Variants in ERP44 observed in about 807,000 individuals in gnomAD.
ERP44 encodes the protein endoplasmic reticulum resident protein 44.
Under a neutral mutation model 53.4 loss-of-function variants are expected in ERP44, and 25 were observed. The observed-to-expected ratio is 0.47, with a 90% CI of 0.34 to 0.65. The LOEUF is 0.65. Ranked by LOEUF, ERP44 falls within the 30% of genes least tolerant of loss-of-function variation. The pLI, the probability that ERP44 is intolerant of heterozygous loss-of-function variation, is 0.01. For synonymous variants in ERP44, 145 were observed against 161.2 expected (o/e 0.90, Z 0.76); for missense variants, 338 against 493.2 (o/e 0.69, Z 2.98).
At chr9:100,060,008 A>C in intron 2 of ERP44, 92 bp downstream of exon 2, 1 of 1,060,886 alleles carries the variant, frequency 9.4e-7, no homozygotes, top group Non-Finnish European at 1.2e-6. Context: ...TGTGCTAGCT[A>C]ACTGAGATTT....
intron 10 of ERP44, among the ~76,000 whole-genome samples, chr9:99,997,353 G>A (rs757014826): frequency 6.6e-6 from 1 of 152,012 alleles, no homozygotes; most frequent in East Asian, 1.9e-4. Context: ...AGGTGGTATT[G>A]CATTGTAGTT....
At chr9:100,089,322 GT>G (rs1465968720) in intron 1 of ERP44, among the ~76,000 whole-genome samples, 65 of 152,182 alleles carry the variant, frequency 4.3e-4, no homozygotes, top group African/African-American at 1.4e-3. Context: ...GCTCATGCCT[GT>G]TAATCCCAGC....
chr9:100,022,026 A>T lies in ERP44; in HGVS notation c.471+16T>A. On this transcript the variant is annotated intron_variant, in intron 5 of 11. Coordinates refer to ENST00000262455, the MANE Select transcript of ERP44 (RefSeq NM_015051.3). ...TCAGGGAATGTTTGTTTAATCTAGC[A>T]AAAGTTACAACTTACATCAAGAGTG... 1 of 1,601,912 alleles carries T rather than the reference A, an allele frequency of 6.2e-7. No individual in the cohort carries two copies. The highest frequency in any genetic ancestry group is 1.1e-5 in the South Asian group (1 of 88,588).
chr9:100,042,205 T>A (rs1825912147), intron 4 of ERP44, among the ~76,000 whole-genome samples: 2 of 152,108 alleles, frequency 1.3e-5, no homozygotes, highest in African/African-American at 4.8e-5. Context: ...CTCAAACAAC[T>A]CTATACTCAA....
intron 4 of ERP44, among the ~76,000 whole-genome samples, chr9:100,030,096 GA>G (rs1162818343): frequency 2.0e-5 from 3 of 151,996 alleles, no homozygotes; most frequent in Non-Finnish European, 4.4e-5. Context: ...CAAAAACAAA[GA>G]AAAAAGAAAA....
rs368684865 is a variant in ERP44 at position 100,022,052 on chromosome 9, G to A, written c.461C>T (p.Thr154Ile). The change falls in exon 5 of 12, where the codon ACC becomes ATC. Residue 154 changes from threonine to isoleucine, a missense_variant. Physicochemically the swap from Thr to Ile is moderately conservative, Grantham distance 89. Coordinates refer to ENST00000262455, the MANE Select transcript of ERP44 (RefSeq NM_015051.3). ...AAAGTTACAACTTACATCAAGAGTGGTGATTTCTGCTAAGTCCCGAATTTC... is the reference window on the plus strand; with the variant it reads ...AAAGTTACAACTTACATCAAGAGTGATGATTTCTGCTAAGTCCCGAATTTC... ...IQEIRDLAEI[T>I]TLDRSKRNII... 4.3e-6 allele frequency: 7 copies of A among 1,612,222 alleles called. No individual in the cohort carries two copies. In the African/African-American group the frequency reaches 9.4e-5, roughly 22 times the overall value.
intron 10 of ERP44, chr9:99,998,801 C>G: frequency 1.0e-6 from 1 of 996,466 alleles, no homozygotes; most frequent in South Asian, 1.4e-5. Flanking sequence ...CTTCTCTTCT[C>G]GAATTCTCTG....
At chr9:100,078,721 C>T (rs1826386907) in intron 1 of ERP44, among the ~76,000 whole-genome samples, 3 of 151,822 alleles carry the variant, frequency 2.0e-5, no homozygotes, top group Admixed American at 1.3e-4. Context: ...TGCCATTGCA[C>T]TCCAGCCTGG....
rs372314031 is a variant in ERP44, at chr9:100,029,778, T to C, written c.287-7552A>G. 2.4e-4 allele frequency among the ~76,000 whole-genome samples: 37 copies of C among 152,260 alleles called. 1 individual carries two copies. The highest frequency in any genetic ancestry group is 7.9e-4 in the African/African-American group (33 of 41,566). On this transcript the variant is annotated intron_variant, in intron 4 of 11. Transcript: ENST00000262455. ...AATATGAAATCAACCTAAGTGGCCA[T>C]CAACAGATGAATGGATAAAGAAAAT... is the stretch of plus-strand genomic sequence containing the variant.
In ERP44 at chr9:100,069,253, T is replaced by TC. The variant is rs1485678615; in HGVS notation, c.58-9082dup. ...ATTATTGTCCTATGACCCTGCCAAA[T>TC]CCCCCTCTGCGAGAAACACCCAAGA... On this transcript the variant is annotated intron_variant, in intron 1 of 11. Coordinates refer to ENST00000262455, the MANE Select transcript of ERP44 (RefSeq NM_015051.3). Among the ~76,000 whole-genome samples the TC allele has an allele frequency of 7.4e-5, 9 of 121,628 alleles. No individual in the cohort carries two copies. In the Admixed American group the frequency reaches 8.2e-4, roughly 11 times the overall value. The allele number at this position is 121,628 out of a possible 152,430, so 79.8% of individuals were successfully genotyped here. A position where few individuals can be genotyped will look rare whatever the true frequency, so the allele number is the denominator to read the frequency against.
chr9:100,076,530 A>G (rs1399480152), intron 1 of ERP44, among the ~76,000 whole-genome samples: 1 of 152,242 alleles, frequency 6.6e-6, no homozygotes, highest in Non-Finnish European at 1.5e-5. Flanking sequence ...AGGACAGCGG[A>G]GAAGGGAAAT....
At chr9:100,027,106 G>C (rs936845424) in intron 4 of ERP44, among the ~76,000 whole-genome samples, 1 of 152,194 alleles carries the variant, frequency 6.6e-6, no homozygotes, top group Admixed American at 6.5e-5. Flanking sequence ...ATTTTATCCA[G>C]TGTTGTGATA....
At chr9:99,989,732 A>G (rs1830233647) in intron 10 of ERP44, among the ~76,000 whole-genome samples, 1 of 152,218 alleles carries the variant, frequency 6.6e-6, no homozygotes, top group East Asian at 1.9e-4. Context: ...AACTTCTCCA[A>G]GTTAAAGGAG....
At chr9:99,998,067 A>G (rs1388327096) in intron 10 of ERP44, among the ~76,000 whole-genome samples, 3 of 152,252 alleles carry the variant, frequency 2.0e-5, no homozygotes, top group Non-Finnish European at 4.4e-5. Context: ...TGGCTAAACA[A>G]CAAATACTAG....
At chr9:100,007,252 A>G (rs954607288) in intron 9 of ERP44, among the ~76,000 whole-genome samples, 1 of 152,236 alleles carries the variant, frequency 6.6e-6, no homozygotes, top group Non-Finnish European at 1.5e-5. Flanking sequence ...TCTCAGCAAC[A>G]TCTCTGGGAA....
intron 1 of ERP44, among the ~76,000 whole-genome samples, chr9:100,080,308 CAGGACTGAACATCTGCTCACCTTT>C (rs1229603522): frequency 4.7e-4 from 71 of 152,298 alleles, no homozygotes; most frequent in Non-Finnish European, 2.5e-4. Context: ...GTTTTCCTTA[CAGGACTGAACATCTGCTCACCTTT>C]AGGACTGAAC....
At chr9:100,008,098 A>G (rs1830438160) in intron 8 of ERP44, among the ~76,000 whole-genome samples, 1 of 152,210 alleles carries the variant, frequency 6.6e-6, no homozygotes, top group Admixed American at 6.5e-5. Context: ...GTAACAGTGA[A>G]AAACAGTATA....
At chr9:99,984,076 A>G (rs1004792564) in intron 11 of ERP44, among the ~76,000 whole-genome samples, 2 of 152,216 alleles carry the variant, frequency 1.3e-5, no homozygotes, top group Admixed American at 6.5e-5. Flanking sequence ...TTAATTATCA[A>G]AAATCTGACC....
At chr9:100,025,081 G>T (rs1661758643) in intron 4 of ERP44, among the ~76,000 whole-genome samples, 1 of 152,096 alleles carries the variant, frequency 6.6e-6, no homozygotes, top group African/African-American at 2.4e-5. Flanking sequence ...GGGAAACATA[G>T]AAAGACCCCA....
Sources: gnomAD v4.1 joint callset for allele counts (sites outside exome capture counted in the v4.1 genomes callset) on GRCh38, gnomAD v4.1.1 for gene constraint, MANE v1.5 for transcripts, NCBI Gene and HGNC (gene_info 2026-07-23, HGNC 2026-07-21) for gene names.